Variants in HDAC9 observed in about 807,000 individuals in gnomAD.
The protein encoded by HDAC9 is MEF-2 interacting transcription repressor (MITR) protein.
HDAC9 carries 41 observed loss-of-function variants against 139.4 expected under a neutral mutation model. The ratio of observed to expected loss-of-function variants is 0.29; its 90% CI spans 0.23 to 0.38. The LOEUF is 0.38. Ranked by LOEUF, HDAC9 falls within the 10% of genes least tolerant of loss-of-function variation. HDAC9 has a pLI of 1.00. For missense variants in HDAC9, 1,147 were observed against 1,297.0 expected (o/e 0.88, Z 1.78); for synonymous variants, 517 against 476.2 (o/e 1.09, Z -1.12).
chr7:18,901,278 A>C (rs569748079), intron 22 of HDAC9, among the ~76,000 whole-genome samples: 3 of 149,706 alleles, frequency 2.0e-5, no homozygotes, highest in African/African-American at 7.3e-5. Context: ...ATATATATAA[A>C]ATTGTATGAA....
At chr7:18,520,510 A>G (rs1262260098) in intron 2 of HDAC9, among the ~76,000 whole-genome samples, 1 of 152,186 alleles carries the variant, frequency 6.6e-6, no homozygotes, top group African/African-American at 2.4e-5. Flanking sequence ...TGAACCATGT[A>G]GACATATGAG....
rs754564673 is a variant in HDAC9, at chr7:18,585,490, C to A, written c.232C>A (p.Gln78Lys). ...FQKQHENLTR[Q>K]HQAQLQEHIK... ...GAAACAGCATGAGAACTTGACACGG[C>A]AGCACCAGGCTCAGCTTCAGGAGCA... is the stretch of plus-strand genomic sequence containing the variant. The change falls in exon 3 of 26, where the codon CAG (glutamine) becomes AAG (lysine). Residue 78 changes from glutamine to lysine, a missense_variant. Physicochemically the swap from Gln to Lys is moderately conservative, Grantham distance 53 (BLOSUM62 1). Coordinates refer to ENST00000686413, the MANE Select transcript of HDAC9 (RefSeq NM_178425.4). 16 of 1,613,734 alleles carry A rather than the reference C, an allele frequency of 9.9e-6. No homozygotes were observed. Among genetic ancestry groups the A allele is most frequent in the Non-Finnish European group, 1.4e-5 (16 of 1,179,802 alleles).
intron 1 of HDAC9, among the ~76,000 whole-genome samples, chr7:18,475,814 T>C (rs1795070099): frequency 6.6e-6 from 1 of 152,210 alleles, no homozygotes; most frequent in Admixed American, 6.5e-5. Context: ...CAGCAAAATA[T>C]CAGCAAAATC....
intron 13 of HDAC9, among the ~76,000 whole-genome samples, chr7:18,729,597 A>T (rs1410165015): frequency 6.6e-6 from 1 of 152,186 alleles, no homozygotes; most frequent in Admixed American, 6.5e-5. Context: ...GCAAGGGTAG[A>T]CTGTAAACCC....
At chr7:18,183,483 C>G (rs990174243) in intron 2 of HDAC9, among the ~76,000 whole-genome samples, 2 of 152,150 alleles carry the variant, frequency 1.3e-5, no homozygotes, top group African/African-American at 4.8e-5. Context: ...TTTTGTGACC[C>G]TGATTCAGTT....
intron 6 of HDAC9, among the ~76,000 whole-genome samples, chr7:18,615,062 C>A (rs1162305529): frequency 6.6e-6 from 1 of 152,078 alleles, no homozygotes; most frequent in Non-Finnish European, 1.5e-5. Context: ...CAATGGTTTT[C>A]CTCAGTGTCT....
chr7:18,279,716 G>A (rs1248662940), intron 2 of HDAC9, among the ~76,000 whole-genome samples: 2 of 151,674 alleles, frequency 1.3e-5, no homozygotes, highest in East Asian at 3.9e-4. Flanking sequence ...CACCCCCCTC[G>A]ACCCCCCAAA....
intron 1 of HDAC9, among the ~76,000 whole-genome samples, chr7:18,472,000 C>A (rs1055367543): frequency 2.0e-5 from 3 of 152,130 alleles, no homozygotes; most frequent in African/African-American, 7.2e-5. Flanking sequence ...GGCTGCAGAC[C>A]TCTGAGGTCC....
At chr7:18,541,139 G>GTGTTT (rs1563203527) in intron 2 of HDAC9, among the ~76,000 whole-genome samples, 1 of 46,582 alleles carries the variant, frequency 2.1e-5, no homozygotes, top group African/African-American at 6.3e-5. Context: ...CCAAGGAACC[G>GTGTTT]TGTTTTTTTT....
chr7:18,350,770 C>T (rs137865935), intron 1 of HDAC9, among the ~76,000 whole-genome samples: 144 of 152,250 alleles, frequency 9.5e-4, no homozygotes, highest in Non-Finnish European at 1.6e-3. Flanking sequence ...TGATTTATGT[C>T]GAATATAAGC....
At chr7:18,324,120 G>T (rs148761926) in intron 1 of HDAC9, among the ~76,000 whole-genome samples, 5 of 152,174 alleles carry the variant, frequency 3.3e-5, no homozygotes, top group African/African-American at 4.8e-5. Flanking sequence ...AATGCTGGGG[G>T]CACATAGACA....
At chr7:18,606,078 C>T (rs551103610) in intron 6 of HDAC9, among the ~76,000 whole-genome samples, 7 of 152,286 alleles carry the variant, frequency 4.6e-5, no homozygotes, top group East Asian at 1.9e-4. Context: ...AATATTTCTT[C>T]GTTACTGACT....
chr7:18,087,437 G>A (rs903539728), intron 1 of HDAC9, among the ~76,000 whole-genome samples: 2 of 152,320 alleles, frequency 1.3e-5, no homozygotes, highest in African/African-American at 2.4e-5. Flanking sequence ...TCATCTTTGT[G>A]GCATGCAGAC....
At chr7:18,240,200 A>G (rs983590363) in intron 2 of HDAC9, among the ~76,000 whole-genome samples, 10 of 152,160 alleles carry the variant, frequency 6.6e-5, no homozygotes, top group Admixed American at 2.6e-4. Context: ...TACAATTAAA[A>G]CCACCATGGT....
At chr7:18,963,720 G>A (rs1783675382) in intron 24 of HDAC9, among the ~76,000 whole-genome samples, 1 of 152,146 alleles carries the variant, frequency 6.6e-6, no homozygotes, top group African/African-American at 2.4e-5. Flanking sequence ...ATCTGTTACT[G>A]TCTTAGCAGA....
At chr7:18,774,545 T>A (rs1414566479) in intron 16 of HDAC9, among the ~76,000 whole-genome samples, 1 of 152,066 alleles carries the variant, frequency 6.6e-6, no homozygotes, top group Non-Finnish European at 1.5e-5. Context: ...TACAGTAGCA[T>A]TATATCTTTA....
At chr7:18,855,569 G>A (rs1304758444) in intron 21 of HDAC9, among the ~76,000 whole-genome samples, 3 of 151,830 alleles carry the variant, frequency 2.0e-5, no homozygotes, top group Admixed American at 1.3e-4. Flanking sequence ...CATGGTGGCC[G>A]TGCTGAACTT....
intron 17 of HDAC9, among the ~76,000 whole-genome samples, chr7:18,797,544 A>G (rs1352165564): frequency 6.6e-6 from 1 of 152,044 alleles, no homozygotes; most frequent in Non-Finnish European, 1.5e-5. Context: ...TTTTTAAATT[A>G]TGGCCCTGCG....
chr7:18,335,222 G>GA (rs2128653182), intron 1 of HDAC9, among the ~76,000 whole-genome samples: 1 of 151,526 alleles, frequency 6.6e-6, no homozygotes, highest in South Asian at 2.1e-4. Context: ...AGGAAGAAGT[G>GA]AAAAAATGGA....
Sources: allele counts gnomAD v4.1 joint callset (sites outside exome capture counted in the v4.1 genomes callset), GRCh38; gene constraint gnomAD v4.1.1; transcripts MANE v1.5; gene names NCBI Gene and HGNC (gene_info 2026-07-23, HGNC 2026-07-21).